SYN2: variants seen among roughly 807,000 people sequenced by gnomAD.
SYN2 encodes synapsin-2.
A neutral mutation model predicts 50.9 loss-of-function variants in SYN2; 19 were observed. The observed-to-expected ratio is 0.37, with a 90% CI of 0.26 to 0.55. SYN2 has a LOEUF of 0.55. Among genes scored for constraint, SYN2 ranks in the 20% least tolerant of loss-of-function variants. The probability of loss-of-function intolerance (pLI) is 0.81; values close to 1 mark genes in which losing one functional copy is unlikely to be tolerated. For missense variants in SYN2, 587 were observed against 576.4 expected, an observed-to-expected ratio of 1.02 and a Z score of -0.19; for synonymous variants, 255 against 224.9, an observed-to-expected ratio of 1.13 and a Z score of -1.20.
At chr3:12,084,562 A>G (rs1423787041) in intron 1 of SYN2, among the ~76,000 whole-genome samples, 2 of 152,228 alleles carry the variant, frequency 1.3e-5, no homozygotes, top group African/African-American at 4.8e-5. Flanking sequence ...GTTACTAAGC[A>G]GTAACACAAA....
At chr3:12,110,753 A>C (rs535996903) in intron 1 of SYN2, among the ~76,000 whole-genome samples, 1 of 152,278 alleles carries the variant, frequency 6.6e-6, no homozygotes, top group African/African-American at 2.4e-5. Flanking sequence ...AAGACCTCTG[A>C]CTACCCTGCT....
rs186283394 is a variant in SYN2 at position 12,077,198 on chromosome 3, A to T, written c.378-63453A>T. Reference sequence around the variant, plus strand: ...AAAGTTAAGCATTGAGCTTGGTATCAGTGACCCAATTAAGATGGTTTCACT... The same window carrying T: ...AAAGTTAAGCATTGAGCTTGGTATCTGTGACCCAATTAAGATGGTTTCACT... On this transcript the variant is annotated intron_variant, in intron 1 of 12. Coordinates refer to ENST00000621198, the MANE Select transcript of SYN2 (RefSeq NM_133625.6). Among the ~76,000 whole-genome samples, 265 of 152,254 alleles carry T rather than the reference A, an allele frequency of 1.7e-3. 1 individual carries two copies. Among genetic ancestry groups the T allele is most frequent in the South Asian group, 8.9e-3 (43 of 4,826 alleles).
chr3:12,102,712 T>G (rs997345312), intron 1 of SYN2, among the ~76,000 whole-genome samples: 4 of 152,196 alleles, frequency 2.6e-5, no homozygotes, highest in African/African-American at 9.6e-5. Context: ...TGTTTCTTCT[T>G]CATAAAGTAG....
intron 1 of SYN2, among the ~76,000 whole-genome samples, chr3:12,033,626 C>G (rs1397337188): frequency 6.6e-6 from 1 of 152,170 alleles, no homozygotes; most frequent in Non-Finnish European, 1.5e-5. Flanking sequence ...TTCAGAACAT[C>G]TTAATCACCC....
chr3:12,102,755 T>C (rs1016475816), intron 1 of SYN2, among the ~76,000 whole-genome samples: 1 of 152,202 alleles, frequency 6.6e-6, no homozygotes, highest in Non-Finnish European at 1.5e-5. Flanking sequence ...GAGATGTTTT[T>C]AAATGAGCAA....
At chr3:12,185,246 T>G in intron 11 of SYN2, 1 of 985,846 alleles carries the variant, frequency 1.0e-6, no homozygotes, top group Non-Finnish European at 1.2e-6. Context: ...TTTCCCAGAA[T>G]GGAGGAATAC....
chr3:12,101,548 G>A (rs1010338882), intron 1 of SYN2, among the ~76,000 whole-genome samples: 1 of 152,088 alleles, frequency 6.6e-6, no homozygotes, highest in Non-Finnish European at 1.5e-5. Context: ...AAAATTTCTA[G>A]AATTAGATAG....
intron 11 of SYN2, chr3:12,185,710 A>G: frequency 1.0e-6 from 1 of 985,884 alleles, no homozygotes; most frequent in Non-Finnish European, 1.2e-6. Flanking sequence ...TGTGCAATAA[A>G]GGAAAAGTTA....
At chr3:12,111,659 A>G (rs1372487470) in intron 1 of SYN2, among the ~76,000 whole-genome samples, 1 of 152,140 alleles carries the variant, frequency 6.6e-6, no homozygotes, top group African/African-American at 2.4e-5. Flanking sequence ...CTTCTGACTC[A>G]AAAGCTTTGA....
At chr3:12,087,998 A>T (rs1301117993) in intron 1 of SYN2, among the ~76,000 whole-genome samples, 1 of 152,156 alleles carries the variant, frequency 6.6e-6, no homozygotes, top group Non-Finnish European at 1.5e-5. Flanking sequence ...AGAGAAAACC[A>T]TAGGTTGAGC....
chr3:12,100,982 A>T (rs938794300), intron 1 of SYN2, among the ~76,000 whole-genome samples: 4 of 152,152 alleles, frequency 2.6e-5, no homozygotes, highest in African/African-American at 9.6e-5. Flanking sequence ...GACAATAACA[A>T]GTGTTGGTGA....
At chr3:12,167,419 C>A in intron 8 of SYN2, 111 bp downstream of exon 8, 2 of 1,116,562 alleles carry the variant, frequency 1.8e-6, no homozygotes, top group Non-Finnish European at 2.6e-6. Flanking sequence ...GCAAACCGGA[C>A]AGATAAAACA....
At chr3:12,157,042 A>C in intron 5 of SYN2, 1 of 794,276 alleles carries the variant, frequency 1.3e-6, no homozygotes, top group South Asian at 1.9e-5. Flanking sequence ...GCAAAAGTCT[A>C]GTTGAGGATT....
chr3:12,142,416 G>A (rs1427901515), intron 3 of SYN2, among the ~76,000 whole-genome samples: 1 of 152,176 alleles, frequency 6.6e-6, no homozygotes, highest in Non-Finnish European at 1.5e-5. Context: ...GATTTGCTTA[G>A]ATTCCCCTAG....
At chr3:12,048,972 T>C (rs904595218) in intron 1 of SYN2, among the ~76,000 whole-genome samples, 7 of 152,212 alleles carry the variant, frequency 4.6e-5, no homozygotes, top group African/African-American at 1.2e-4. Flanking sequence ...TGTCAGTCTT[T>C]TCAGTTCTGT....
intron 1 of SYN2, among the ~76,000 whole-genome samples, chr3:12,024,881 C>T (rs1434144420): frequency 6.6e-6 from 1 of 152,136 alleles, no homozygotes; most frequent in Non-Finnish European, 1.5e-5. Flanking sequence ...ATGATTGTAC[C>T]AGTTTACACT....
intron 1 of SYN2, among the ~76,000 whole-genome samples, chr3:12,106,340 C>A (rs1016041390): frequency 2.0e-5 from 3 of 152,208 alleles, no homozygotes; most frequent in African/African-American, 7.2e-5. Context: ...CCTGGATAAT[C>A]TCCCTATTTT....
chr3:12,179,361 G>A (rs550133118), intron 10 of SYN2, among the ~76,000 whole-genome samples: 69 of 121,226 alleles, frequency 5.7e-4, no homozygotes, highest in East Asian at 2.8e-3. Context: ...CTCACACACC[G>A]GAAGAACTGA....
intron 1 of SYN2, among the ~76,000 whole-genome samples, chr3:12,107,883 A>G (rs182296669): frequency 9.8e-5 from 15 of 152,350 alleles, no homozygotes; most frequent in Admixed American, 7.2e-4. Flanking sequence ...CTCCTAGAAT[A>G]CAGTTTGGGA....
Sources: allele counts gnomAD v4.1 joint callset (sites outside exome capture counted in the v4.1 genomes callset), GRCh38; gene constraint gnomAD v4.1.1; transcripts MANE v1.5; gene names NCBI Gene and HGNC (gene_info 2026-07-23, HGNC 2026-07-21).